The following PTPRD variants were observed in gnomAD, a reference collection of about 807,000 sequenced individuals.
PTPRD encodes protein tyrosine phosphatase receptor type D, also known as receptor-type tyrosine-protein phosphatase delta.
In PTPRD, 34 loss-of-function variants were observed where a neutral mutation model predicts 214.5. That is an observed-to-expected ratio of 0.16 (90% CI 0.12 to 0.21). The LOEUF is 0.21. Ranked by LOEUF, PTPRD falls within the 10% of genes least tolerant of loss-of-function variation. The pLI, the probability that PTPRD is intolerant of heterozygous loss-of-function variation, is 1.00. For synonymous variants in PTPRD, 1,128 were observed against 845.7 expected, an observed-to-expected ratio of 1.33 and a Z score of -5.79; for missense variants, 2,545 against 2,398.7, an observed-to-expected ratio of 1.06 and a Z score of -1.27.
chr9:9,033,158 T>C (rs1201179844), intron 10 of PTPRD, among the ~76,000 whole-genome samples: 2 of 152,180 alleles, frequency 1.3e-5, no homozygotes, highest in Non-Finnish European at 2.9e-5. Context: ...TCACTGGGTA[T>C]AGTCCATAGA....
intron 11 of PTPRD, among the ~76,000 whole-genome samples, chr9:8,802,665 T>C (rs774022715): frequency 6.6e-6 from 1 of 152,200 alleles, no homozygotes; most frequent in Non-Finnish European, 1.5e-5. Context: ...CATATGTTTT[T>C]ATTCGGAAAA....
chr9:10,216,328 A>G (rs1322135), intron 3 of PTPRD, among the ~76,000 whole-genome samples: 5,530 of 151,966 alleles, frequency 0.036, 525 homozygotes, highest in Admixed American at 0.21. Context: ...GAGCTTCAAA[A>G]ATATTGATAT....
At chr9:9,040,322 C>T (rs554394943) in intron 10 of PTPRD, among the ~76,000 whole-genome samples, 1 of 152,278 alleles carries the variant, frequency 6.6e-6, no homozygotes, top group South Asian at 2.1e-4. Flanking sequence ...GCAGAGTCTT[C>T]TGGTGATGGG....
intron 8 of PTPRD, among the ~76,000 whole-genome samples, chr9:9,402,165 T>G (rs1057234597): frequency 6.6e-6 from 1 of 152,114 alleles, no homozygotes; most frequent in African/African-American, 2.4e-5. Context: ...TTTGAAATAC[T>G]GGAATAAAAT....
chr9:10,304,937 T>A (rs546586464), intron 3 of PTPRD, among the ~76,000 whole-genome samples: 1 of 152,172 alleles, frequency 6.6e-6, no homozygotes, highest in South Asian at 2.1e-4. Flanking sequence ...CCAAAAAAGA[T>A]CCTGCATTGC....
intron 2 of PTPRD, among the ~76,000 whole-genome samples, chr9:10,401,295 G>C (rs1241609585): frequency 6.6e-6 from 1 of 151,460 alleles, no homozygotes; most frequent in Non-Finnish European, 1.5e-5. Flanking sequence ...TCAAGGACAG[G>C]AGCTAGGTTC....
intron 32 of PTPRD, among the ~76,000 whole-genome samples, chr9:8,463,881 C>T (rs550422653): frequency 6.6e-6 from 1 of 151,852 alleles, no homozygotes; most frequent in South Asian, 2.1e-4. Context: ...TTTATTACTG[C>T]AAAATGACTC....
intron 16 of PTPRD, 125 bp downstream of exon 16, chr9:8,527,220 C>T (rs1592808500): frequency 2.0e-6 from 2 of 989,842 alleles, no homozygotes; most frequent in Non-Finnish European, 3.0e-6. Flanking sequence ...GGAGCCACTA[C>T]AGAGATCTGG....
intron 14 of PTPRD, among the ~76,000 whole-genome samples, chr9:8,627,768 G>C (rs901430483): frequency 6.6e-6 from 1 of 151,734 alleles, no homozygotes; most frequent in African/African-American, 2.4e-5. Context: ...CCCCTTACTA[G>C]GGTCTCTCAT....
chr9:10,517,049 A>G (rs2050364807), intron 2 of PTPRD, among the ~76,000 whole-genome samples: 1 of 151,858 alleles, frequency 6.6e-6, no homozygotes, highest in Admixed American at 6.6e-5. Context: ...TTGTGGATTC[A>G]GGGTCATTTG....
intron 10 of PTPRD, among the ~76,000 whole-genome samples, chr9:9,119,130 TG>T (rs1349132777): frequency 6.6e-6 from 1 of 152,238 alleles, no homozygotes; most frequent in African/African-American, 2.4e-5. Context: ...TATGTCCTGC[TG>T]GGTTCTCTGC....
chr9:10,024,717 T>A (rs187672159), intron 4 of PTPRD, among the ~76,000 whole-genome samples: 8,440 of 150,942 alleles, frequency 0.056, 366 homozygotes, highest in East Asian at 0.13. Flanking sequence ...GCCATGTTGG[T>A]GTGCTGCACC....
chr9:9,707,204 G>C (rs778493360), intron 7 of PTPRD, among the ~76,000 whole-genome samples: 1 of 152,150 alleles, frequency 6.6e-6, no homozygotes, highest in Non-Finnish European at 1.5e-5. Context: ...TTATGTACAT[G>C]TAAGGTATAT....
At chr9:8,895,427 A>G (rs1289221212) in intron 11 of PTPRD, among the ~76,000 whole-genome samples, 1 of 152,170 alleles carries the variant, frequency 6.6e-6, no homozygotes, top group Non-Finnish European at 1.5e-5. Context: ...TACTTTGGAA[A>G]TTCAGTGATA....
At chr9:9,580,221 T>C (rs755862632) in intron 7 of PTPRD, among the ~76,000 whole-genome samples, 24 of 152,178 alleles carry the variant, frequency 1.6e-4, no homozygotes, top group Non-Finnish European at 2.9e-4. Context: ...TTCGGGTATA[T>C]ATCAAGTAGT....
At chr9:9,467,215 T>G (rs1450239016) in intron 8 of PTPRD, among the ~76,000 whole-genome samples, 4 of 138,182 alleles carry the variant, frequency 2.9e-5, no homozygotes, top group Non-Finnish European at 4.7e-5. Flanking sequence ...TCATTTATCT[T>G]TTTTTTTTTT....
At chr9:10,343,264 G>T (rs1175593046) in intron 2 of PTPRD, among the ~76,000 whole-genome samples, 3 of 152,016 alleles carry the variant, frequency 2.0e-5, no homozygotes, top group East Asian at 1.9e-4. Flanking sequence ...TGCTGAGAAT[G>T]ATGGTTTCCA....
chr9:9,290,702 C>G (rs1013221351), intron 9 of PTPRD, among the ~76,000 whole-genome samples: 5 of 151,368 alleles, frequency 3.3e-5, no homozygotes, highest in African/African-American at 1.2e-4. Context: ...GCATGAACAA[C>G]AAAATATTTT....
intron 7 of PTPRD, among the ~76,000 whole-genome samples, chr9:9,604,214 T>C (rs1302299565): frequency 6.6e-6 from 1 of 152,116 alleles, no homozygotes; most frequent in African/African-American, 2.4e-5. Flanking sequence ...ACTATTTCAT[T>C]GAAAACACAT....
Sources: gnomAD v4.1 joint callset for allele counts (sites outside exome capture counted in the v4.1 genomes callset) on GRCh38, gnomAD v4.1.1 for gene constraint, MANE v1.5 for transcripts, NCBI Gene and HGNC (gene_info 2026-07-23, HGNC 2026-07-21) for gene names.